ADGRG4: variants seen among roughly 807,000 people sequenced by gnomAD.
ADGRG4 encodes the protein G protein-coupled receptor 112.
ADGRG4 carries 122 observed loss-of-function variants against 126.2 expected under a neutral mutation model. The observed-to-expected ratio is 0.97, with a 90% CI of 0.83 to 1.12. The LOEUF is 1.12. ADGRG4 is among the 50% of genes most tolerant of loss of function. The pLI is 0.00. For synonymous variants in ADGRG4, 943 were observed against 838.7 expected (o/e 1.12, Z -2.15); for missense variants, 2,481 against 2,251.8 (o/e 1.10, Z -2.06).
In ADGRG4 at chrX:136,395,348, G is replaced by A. The variant is rs773878930; in HGVS notation, c.8081-42G>A. On this transcript the variant is annotated intron_variant, in intron 18 of 25. Transcript: ENST00000394143. ...ATAATGAAAAGTTAAACATTTCTGAGAAAAACAAAATTGCTTTGAAATTTC... is the reference window on the plus strand; with the variant it reads ...ATAATGAAAAGTTAAACATTTCTGAAAAAAACAAAATTGCTTTGAAATTTC... The A allele has an allele frequency of 2.1e-4, 195 of 910,044 alleles. No homozygotes were observed. In the East Asian group the frequency reaches 6.0e-3, roughly 28 times the overall value. The allele number at this position is 910,044 out of a possible 1,213,427, so 75.0% of individuals were successfully genotyped here.
At chrX:136,331,928 T>C (rs895937250) in intron 5 of ADGRG4, among the ~76,000 whole-genome samples, 4 of 108,468 alleles carry the variant, frequency 3.7e-5, no homozygotes, top group Non-Finnish European at 5.7e-5. Flanking sequence ...ACCATTCTCC[T>C]GCCTCAGCCT....
rs1050084581 is a variant in ADGRG4 at position 136,357,491 on chromosome X, G to A, written c.6928-213G>A. Among the ~76,000 whole-genome samples, 3 of 112,285 alleles carry A rather than the reference G, an allele frequency of 2.7e-5. No homozygotes were observed. In the Admixed American group the frequency reaches 2.8e-4, roughly 11 times the overall value. ...CTTCTCTGTGACTCAGATTCCTCAT[G>A]TAACAAAGAGGGCGACAATCCCTGT... On this transcript the variant is annotated intron_variant, in intron 9 of 25. Transcript: ENST00000394143.
rs376547734 is a variant in ADGRG4, at chrX:136,356,157, C to G, written c.6919C>G (p.Arg2307Gly). 5.1e-6 allele frequency: 6 copies of G among 1,177,194 alleles called. No individual in the cohort carries two copies. The highest frequency in any genetic ancestry group is 2.4e-4 in the Middle Eastern group (1 of 4,178). ...DISEEEMVMD[R>G]AILEQREGQE... ...TTCAGAGGAAGAGATGGTCATGGAT[C>G]GAGCTATTGTAAGTAATTTTTCAAA... The change falls in exon 9 of 26, where the codon CGA becomes GGA. Residue 2307 changes from arginine (R) to glycine (G), a missense_variant. By Grantham distance (125) the Arg-to-Gly change is moderately radical. Coordinates refer to ENST00000394143, the MANE Select transcript of ADGRG4 (RefSeq NM_153834.4).
intron 5 of ADGRG4, among the ~76,000 whole-genome samples, chrX:136,332,199 C>T (rs1227749645): frequency 9.9e-6 from 1 of 100,776 alleles, no homozygotes; most frequent in African/African-American, 3.7e-5. Flanking sequence ...TATTCCCCTT[C>T]CTGTGTCCAT....
Position 136,392,214 on chromosome X carries a change from C to G in ADGRG4, c.7912-18C>G. ...TTAGAAATTTAGGTCCTGAACTCCTCTTTTGTTTCATCTGCAGACCAAAAA... is the reference window on the plus strand; with the variant it reads ...TTAGAAATTTAGGTCCTGAACTCCTGTTTTGTTTCATCTGCAGACCAAAAA... On this transcript the variant is annotated intron_variant, in intron 16 of 25. Transcript: ENST00000394143. 1.7e-6 allele frequency: 2 copies of G among 1,147,304 alleles called. No homozygotes were observed. Among genetic ancestry groups the G allele is most frequent in the South Asian group, 2.2e-5 (1 of 45,649 alleles). 94.6% of individuals were successfully genotyped at this position (1,147,304 alleles called of 1,213,427 possible).
intron 15 of ADGRG4, among the ~76,000 whole-genome samples, chrX:136,375,250 T>A (rs1476260281): frequency 8.9e-6 from 1 of 112,293 alleles, no homozygotes; most frequent in Non-Finnish European, 1.9e-5. Flanking sequence ...TTCCATGGTG[T>A]ATATATACCA....
chrX:136,336,338 G>C (rs955794432), intron 5 of ADGRG4, among the ~76,000 whole-genome samples: 1 of 111,431 alleles, frequency 9.0e-6, no homozygotes, highest in Non-Finnish European at 1.9e-5. Flanking sequence ...TTGTTGAGTG[G>C]AGTGCTCTAT....
Position 136,414,172 on chromosome X carries a change from G to A in ADGRG4, c.9050G>A (p.Arg3017Gln), listed in dbSNP as rs201992547. Residue 3017 changes from arginine to glutamine, a missense_variant, in exon 25 of 26, where the codon CGG becomes CAG. Arg to Gln is a conservative substitution (Grantham distance 43, BLOSUM62 1). Transcript: ENST00000394143. The stretch of plus-strand genomic sequence containing the variant: ...GGTATCATTTCAGATGGGAGCAGCC[G>A]GTGTCAGATAAAGGTTGGATATAAA... ...RLDNSSDGSSRCQIKVGYKQE... is the reference protein window; with the variant it reads ...RLDNSSDGSSQCQIKVGYKQE... 3.5e-4 allele frequency: 421 copies of A among 1,193,191 alleles called. No individual in the cohort carries two copies. The South Asian group carries it at 5.2e-3, about 15-fold the overall frequency.
At chrX:136,311,082 G>C (rs73240358) in intron 4 of ADGRG4, among the ~76,000 whole-genome samples, 2 of 110,324 alleles carry the variant, frequency 1.8e-5, no homozygotes, top group South Asian at 3.9e-4. Context: ...CTGTGTCCTC[G>C]CAAGGCTGAG....
chrX:136,406,903 G>C (rs1321528811), intron 23 of ADGRG4, among the ~76,000 whole-genome samples: 1 of 104,650 alleles, frequency 9.6e-6, no homozygotes, highest in Non-Finnish European at 2.0e-5. Flanking sequence ...GCAACAAAGA[G>C]AGACTCTGTC....
intron 11 of ADGRG4, among the ~76,000 whole-genome samples, chrX:136,360,291 T>G (rs911437006): frequency 9.0e-5 from 10 of 111,574 alleles, no homozygotes; most frequent in African/African-American, 1.3e-4. Flanking sequence ...GAGGGAAATA[T>G]TTCCAGAATC....
intron 21 of ADGRG4, 104 bp from the exon 22 acceptor site, chrX:136,403,140 T>C (rs1159700108): frequency 6.9e-6 from 4 of 576,139 alleles, no homozygotes; most frequent in Non-Finnish European, 1.2e-5. Context: ...CGCACATCTG[T>C]GGCTTATTTA....
At chrX:136,315,861 G>A (rs751607873) in intron 4 of ADGRG4, among the ~76,000 whole-genome samples, 1 of 111,580 alleles carries the variant, frequency 9.0e-6, no homozygotes, top group Admixed American at 9.5e-5. Flanking sequence ...CAGATATCGG[G>A]GTCATGTGCT....
intron 15 of ADGRG4, among the ~76,000 whole-genome samples, chrX:136,378,129 T>G (rs2075239146): frequency 9.0e-6 from 1 of 111,438 alleles, no homozygotes; most frequent in African/African-American, 3.3e-5. Context: ...TTAGTTCTAT[T>G]TACATTTCTC....
intron 15 of ADGRG4, among the ~76,000 whole-genome samples, chrX:136,382,889 G>T (rs1036747534): frequency 9.1e-6 from 1 of 110,236 alleles, no homozygotes; most frequent in African/African-American, 3.3e-5. Flanking sequence ...CCTCCCTCTG[G>T]AACTAAGACC....
chrX:136,365,694 A>G (rs2075154404), intron 13 of ADGRG4, among the ~76,000 whole-genome samples: 1 of 111,852 alleles, frequency 8.9e-6, no homozygotes, highest in Admixed American at 9.5e-5. Context: ...CCAACTCTGT[A>G]TGAAGGTTCC....
At position 136,414,194 on chromosome X, in the gene ADGRG4, TAAACA is replaced by T. The variant is rs751874411; in HGVS notation, c.9073_9077del (p.Lys3025GlyfsTer8). The T allele has an allele frequency of 1.7e-6, 2 of 1,203,490 alleles. No homozygotes were observed. Among genetic ancestry groups the T allele is most frequent in the Non-Finnish European group, 2.2e-6 (2 of 891,529 alleles). On this transcript the variant is annotated frameshift_variant, in exon 25 of 26. Coordinates refer to ENST00000394143, the MANE Select transcript of ADGRG4 (RefSeq NM_153834.4). LOFTEE classifies it high-confidence loss of function. ...GCCGGTGTCAGATAAAGGTTGGATA[TAAACA>T]GGAGGGACTAAAGAAAATCTTTGAG...
rs765271061 is a variant in ADGRG4, at chrX:136,348,090, T to C, written c.4384T>C (p.Phe1462Leu). 16 of 1,210,070 alleles carry C rather than the reference T, an allele frequency of 1.3e-5. No individual in the cohort carries two copies. In the South Asian group the frequency reaches 2.6e-4, roughly 20 times the overall value. ...TTTCATTTCTGAAAGCACACAGACT[T>C]TCCCTGAGTCCTTGTCTCTTTCCAC... ...ASFISESTQT[F>L]PESLSLSTAG... Residue 1462 changes from phenylalanine to leucine, a missense_variant, in exon 6 of 26, where the codon TTC (phenylalanine) becomes CTC (leucine). By Grantham distance (22) the Phe-to-Leu change is conservative (BLOSUM62 0). Coordinates refer to ENST00000394143, the MANE Select transcript of ADGRG4 (RefSeq NM_153834.4).
At chrX:136,322,188 C>A (rs1205348819) in intron 4 of ADGRG4, among the ~76,000 whole-genome samples, 1 of 111,494 alleles carries the variant, frequency 9.0e-6, no homozygotes. Context: ...GTCTTCCATT[C>A]CTGAGTACAA....
Sources: gnomAD v4.1 joint callset for allele counts (sites outside exome capture counted in the v4.1 genomes callset) on GRCh38, gnomAD v4.1.1 for gene constraint, MANE v1.5 for transcripts, NCBI Gene and HGNC (gene_info 2026-07-23, HGNC 2026-07-21) for gene names.